CUX1: variants seen among roughly 807,000 people sequenced by gnomAD.
The protein encoded by CUX1 is protein CASP.
A neutral mutation model predicts 158.8 loss-of-function variants in CUX1; 31 were observed. That is an observed-to-expected ratio of 0.20 (90% CI 0.15 to 0.26). The LOEUF (loss-of-function observed/expected upper bound fraction) is 0.26, where lower values mean the gene tolerates loss of function less well. CUX1 is among the 10% of genes least tolerant of loss of function. The pLI is 1.00. For missense variants in CUX1, 1,589 were observed against 2,014.6 expected, an observed-to-expected ratio of 0.79 and a Z score of 4.04; for synonymous variants, 879 against 862.1, an observed-to-expected ratio of 1.02 and a Z score of -0.34.
intron 8 of CUX1, among the ~76,000 whole-genome samples, chr7:102,120,082 G>T (rs561734668): frequency 6.6e-6 from 1 of 152,250 alleles, no homozygotes; most frequent in Admixed American, 6.5e-5. Context: ...GAGAGGCCTG[G>T]GCATCCCTCA....
intron 8 of CUX1, among the ~76,000 whole-genome samples, chr7:102,118,041 C>T (rs1190217461): frequency 3.9e-5 from 6 of 152,318 alleles, no homozygotes; most frequent in African/African-American, 1.4e-4. Flanking sequence ...CATTCTGAGA[C>T]CTCCCCCACT....
At chr7:101,878,642 A>G (rs571979028) in intron 1 of CUX1, among the ~76,000 whole-genome samples, 1 of 152,284 alleles carries the variant, frequency 6.6e-6, no homozygotes, top group South Asian at 2.1e-4. Context: ...ATAAAGAGAA[A>G]AAAAAGACGC....
At chr7:101,927,779 C>A (rs1384371439) in intron 2 of CUX1, among the ~76,000 whole-genome samples, 1 of 152,234 alleles carries the variant, frequency 6.6e-6, no homozygotes, top group African/African-American at 2.4e-5. Context: ...GTAATTAATT[C>A]TTAGGCAATT....
intron 23 of CUX1, among the ~76,000 whole-genome samples, chr7:102,241,531 G>A (rs553725235): frequency 1.4e-4 from 22 of 152,234 alleles, no homozygotes; most frequent in Non-Finnish European, 3.1e-4. Context: ...AGGGGAAGTT[G>A]TGTCTCTCAC....
intron 1 of CUX1, among the ~76,000 whole-genome samples, chr7:101,906,144 G>T (rs1019339286): frequency 5.8e-4 from 88 of 151,916 alleles, no homozygotes; most frequent in African/African-American, 2.0e-3. Flanking sequence ...ATTTACTAGC[G>T]CTGACTACAT....
chr7:101,980,152 A>T (rs956584145), intron 2 of CUX1, among the ~76,000 whole-genome samples: 9 of 152,144 alleles, frequency 5.9e-5, no homozygotes, highest in Non-Finnish European at 1.5e-5. Context: ...GTTGTGATGA[A>T]TATTATTCTC....
At chr7:102,007,500 G>A (rs1212575043) in intron 2 of CUX1, among the ~76,000 whole-genome samples, 3 of 151,558 alleles carry the variant, frequency 2.0e-5, no homozygotes, top group Non-Finnish European at 2.9e-5. Flanking sequence ...CCAGCTCCGG[G>A]TATTTCCCAC....
intron 1 of CUX1, among the ~76,000 whole-genome samples, chr7:101,866,876 AATATAGGAATAAGGC>A (rs1776754485): frequency 6.6e-6 from 1 of 152,182 alleles, no homozygotes; most frequent in African/African-American, 2.4e-5. Context: ...GGCATATAGG[AATATAGGAATAAGGC>A]ATATAGGAAT....
intron 20 of CUX1, among the ~76,000 whole-genome samples, chr7:102,213,082 G>A (rs1244413282): frequency 3.3e-5 from 5 of 152,090 alleles, no homozygotes; most frequent in African/African-American, 1.2e-4. Flanking sequence ...GACCTCTGGT[G>A]ATCCACCCAT....
chr7:102,206,700 C>A (rs1372232533), intron 20 of CUX1, among the ~76,000 whole-genome samples: 1 of 152,124 alleles, frequency 6.6e-6, no homozygotes, highest in Non-Finnish European at 1.5e-5. Context: ...AGTTTAAGAC[C>A]AGCCTGGCCA....
chr7:102,110,707 G>A (rs1830797335), intron 6 of CUX1, among the ~76,000 whole-genome samples: 2 of 152,052 alleles, frequency 1.3e-5, no homozygotes, highest in South Asian at 4.2e-4. Context: ...TTACACTATA[G>A]GCTGTTACAT....
chr7:102,123,321 T>A (rs560275003), intron 8 of CUX1, among the ~76,000 whole-genome samples: 1 of 151,098 alleles, frequency 6.6e-6, no homozygotes, highest in Admixed American at 6.6e-5. Flanking sequence ...TTTAAAAAAT[T>A]TTTATCGGCC....
rs557909688 is a variant in CUX1, at chr7:101,881,863, G to A, written c.31-34252G>A. Among the ~76,000 whole-genome samples, 5 of 152,194 alleles carry A rather than the reference G, an allele frequency of 3.3e-5. No homozygotes were observed. The South Asian group carries it at 8.3e-4, about 25-fold the overall frequency. On this transcript the variant is annotated intron_variant, in intron 1 of 23. Coordinates refer to ENST00000292535, the MANE Select transcript of CUX1 (RefSeq NM_181552.4). ...ATTCCTGTGCTTTTATAGAACAGCCGAACCATTCTATGGCAATAAAACAGA... is the reference window on the plus strand; with the variant it reads ...ATTCCTGTGCTTTTATAGAACAGCCAAACCATTCTATGGCAATAAAACAGA...
chr7:102,243,942 T>C (rs1057013068), intron 23 of CUX1, among the ~76,000 whole-genome samples: 1 of 151,574 alleles, frequency 6.6e-6, no homozygotes, highest in Non-Finnish European at 1.5e-5. Flanking sequence ...CAGGAGAATC[T>C]CTTGAACTCC....
At chr7:102,231,172 G>A (rs1554530580) in intron 21 of CUX1, among the ~76,000 whole-genome samples, 1 of 151,984 alleles carries the variant, frequency 6.6e-6, no homozygotes, top group Non-Finnish European at 1.5e-5. Flanking sequence ...TGGGACTACA[G>A]GCGCCCACCA....
chr7:101,857,642 C>G (rs1424174044), intron 1 of CUX1, among the ~76,000 whole-genome samples: 1 of 152,216 alleles, frequency 6.6e-6, no homozygotes, highest in African/African-American at 2.4e-5. Context: ...GCTTGTCTGG[C>G]TGGGTCGGAT....
chr7:101,953,471 G>T (rs970217532), intron 2 of CUX1, among the ~76,000 whole-genome samples: 2 of 152,128 alleles, frequency 1.3e-5, no homozygotes, highest in African/African-American at 4.8e-5. Flanking sequence ...AATTTACCTT[G>T]CCCCTTTTTA....
At chr7:102,137,500 G>C (rs782697370) in intron 8 of CUX1, among the ~76,000 whole-genome samples, 2 of 152,124 alleles carry the variant, frequency 1.3e-5, no homozygotes, top group Non-Finnish European at 2.9e-5. Context: ...GCCGGGCGTG[G>C]TGGTGGATGC....
At chr7:102,208,915 G>A (rs533645951) in intron 20 of CUX1, among the ~76,000 whole-genome samples, 2 of 152,324 alleles carry the variant, frequency 1.3e-5, no homozygotes, top group Admixed American at 6.5e-5. Flanking sequence ...TCTGGGCCTC[G>A]AAGATGGACT....
Sources: allele counts gnomAD v4.1 joint callset (sites outside exome capture counted in the v4.1 genomes callset), GRCh38; gene constraint gnomAD v4.1.1; transcripts MANE v1.5; gene names NCBI Gene and HGNC (gene_info 2026-07-23, HGNC 2026-07-21).